The following FBN1 variants were observed in gnomAD, a reference collection of about 807,000 sequenced individuals.
The protein encoded by FBN1 is fibrillin 1, also known as fibrillin-1.
A neutral mutation model predicts 365.1 loss-of-function variants in FBN1; 29 were observed. That is an observed-to-expected ratio of 0.08 (90% CI 0.06 to 0.11). The LOEUF (loss-of-function observed/expected upper bound fraction) is 0.11, where lower values mean the gene tolerates loss of function less well. FBN1 is among the 10% of genes least tolerant of loss of function. FBN1 has a pLI of 1.00. For synonymous variants in FBN1, 1,210 were observed against 1,270.5 expected (o/e 0.95, Z 1.01); for missense variants, 2,476 against 3,703.2 (o/e 0.67, Z 8.60).
At chr15:48,538,528 A>G (rs1050544186) in intron 6 of FBN1, among the ~76,000 whole-genome samples, 1 of 152,188 alleles carries the variant, frequency 6.6e-6, no homozygotes. Flanking sequence ...GGATAAGCTA[A>G]GTCCACAAGA....
intron 53 of FBN1, among the ~76,000 whole-genome samples, chr15:48,435,277 C>G (rs138870760): frequency 6.6e-6 from 1 of 151,868 alleles, no homozygotes; most frequent in African/African-American, 2.4e-5. Flanking sequence ...CTCCAGCCTC[C>G]CACATTATAA....
At chr15:48,492,694 T>A in intron 23 of FBN1, 108 bp from the exon 24 acceptor site, 1 of 953,156 alleles carries the variant, frequency 1.0e-6, no homozygotes, top group Non-Finnish European at 1.6e-6. Flanking sequence ...GGTAAGTTCA[T>A]AAAACTAGTT....
chr15:48,533,251 G>C (rs879895367), intron 8 of FBN1, among the ~76,000 whole-genome samples: 1 of 152,158 alleles, frequency 6.6e-6, no homozygotes, highest in African/African-American at 2.4e-5. Flanking sequence ...GAAGGAAAAA[G>C]TTTTCTCTTC....
rs573468967 is a variant in FBN1 at position 48,470,768 on chromosome 15, G to A, written c.4337-12C>T. On this transcript the variant is annotated splice_polypyrimidine_tract_variant and intron_variant, in intron 35 of 65. Transcript: ENST00000316623. ...GCACTCATCAATATCTTGGGGGGAG[G>A]GAGAAAAAAGCAAAAAACTTAACTT... 1.6e-5 allele frequency: 26 copies of A among 1,613,242 alleles called. No individual in the cohort carries two copies. The South Asian group carries it at 2.2e-4, about 14-fold the overall frequency.
At chr15:48,522,313 T>C (rs1221401040) in intron 9 of FBN1, among the ~76,000 whole-genome samples, 1 of 152,076 alleles carries the variant, frequency 6.6e-6, no homozygotes, top group Admixed American at 6.5e-5. Flanking sequence ...TAAATTAATA[T>C]TGTGTATTAA....
chr15:48,631,614 C>T (rs1039844643), intron 2 of FBN1, among the ~76,000 whole-genome samples: 13 of 152,106 alleles, frequency 8.5e-5, no homozygotes, highest in African/African-American at 1.4e-4. Flanking sequence ...ATTTCTTTGG[C>T]GACAGTGAAG....
intron 2 of FBN1, chr15:48,644,134 T>C (rs972160409): frequency 6.8e-5 from 11 of 161,774 alleles, no homozygotes; most frequent in African/African-American, 2.6e-4. Context: ...ATAAGCATAA[T>C]TTACGGAAGA....
intron 1 of FBN1, among the ~76,000 whole-genome samples, chr15:48,645,215 C>A (rs1050951136): frequency 6.6e-6 from 1 of 152,222 alleles, no homozygotes; most frequent in East Asian, 1.9e-4. Flanking sequence ...TCCTAAGCCC[C>A]GGGCGAGCTC....
At chr15:48,570,981 T>C (rs1270841381) in intron 6 of FBN1, among the ~76,000 whole-genome samples, 3 of 152,246 alleles carry the variant, frequency 2.0e-5, no homozygotes, top group African/African-American at 4.8e-5. Context: ...TGAGGGTACA[T>C]TGTTTGCTGG....
chr15:48,551,866 C>T (rs766365621), intron 6 of FBN1, among the ~76,000 whole-genome samples: 2 of 152,172 alleles, frequency 1.3e-5, no homozygotes, highest in African/African-American at 2.4e-5. Flanking sequence ...TATAGTATTC[C>T]ATGGTGTATA....
intron 43 of FBN1, among the ~76,000 whole-genome samples, 180 bp downstream of exon 43, chr15:48,460,066 T>C (rs2043269196): frequency 6.6e-6 from 1 of 152,200 alleles, no homozygotes; most frequent in South Asian, 2.1e-4. Context: ...TTGTTGCCAA[T>C]TAGGTGGAGC....
chr15:48,565,401 AC>A (rs1333673985), intron 6 of FBN1, among the ~76,000 whole-genome samples: 2 of 152,122 alleles, frequency 1.3e-5, no homozygotes, highest in African/African-American at 4.8e-5. Flanking sequence ...TAATCCCACC[AC>A]CCAGAGTGAA....
chr15:48,530,236 CTGAT>C (rs1566920672), intron 8 of FBN1, among the ~76,000 whole-genome samples: 5 of 138,704 alleles, frequency 3.6e-5, no homozygotes, highest in Admixed American at 7.3e-5. Flanking sequence ...CATCCGCCGC[CTGAT>C]CACAACTTGA....
chr15:48,526,282 C>A (rs775815723), intron 8 of FBN1, 27 bp from the exon 9 acceptor site: 1 of 1,613,062 alleles, frequency 6.2e-7, no homozygotes, highest in African/African-American at 1.3e-5. Context: ...AGAATCTCAG[C>A]ATTTGTAGAA....
At chr15:48,457,785 C>T (rs754762408) in intron 43 of FBN1, among the ~76,000 whole-genome samples, 6 of 152,058 alleles carry the variant, frequency 3.9e-5, no homozygotes, top group South Asian at 4.2e-4. Context: ...GAGATGGTCT[C>T]GGTACTATGA....
chr15:48,464,837 T>C (rs188724120), intron 40 of FBN1, among the ~76,000 whole-genome samples: 48 of 152,342 alleles, frequency 3.2e-4, no homozygotes, highest in Non-Finnish European at 4.3e-4. Context: ...GAGTTGATTC[T>C]AATCTTTGTT....
chr15:48,542,780 GATGTGTGTGTGT>G (rs755463904), intron 6 of FBN1, among the ~76,000 whole-genome samples: 4 of 79,168 alleles, frequency 5.1e-5, no homozygotes, highest in South Asian at 4.8e-4. Flanking sequence ...AGGACTCTAA[GATGTGTGTGTGT>G]GTGTGTGTGT....
chr15:48,417,210 A>C (rs1402099771), intron 63 of FBN1, among the ~76,000 whole-genome samples: 1 of 152,230 alleles, frequency 6.6e-6, no homozygotes. Context: ...ACATTCATTT[A>C]TAAAGAAAAA....
chr15:48,500,689 G>A (rs1163787359), intron 17 of FBN1, among the ~76,000 whole-genome samples: 1 of 152,164 alleles, frequency 6.6e-6, no homozygotes, highest in Non-Finnish European at 1.5e-5. Flanking sequence ...AAATCCCCCC[G>A]AATTACCCTC....
Sources: allele counts gnomAD v4.1 joint callset (sites outside exome capture counted in the v4.1 genomes callset), GRCh38; gene constraint gnomAD v4.1.1; transcripts MANE v1.5; gene names NCBI Gene and HGNC (gene_info 2026-07-23, HGNC 2026-07-21).